PPARGC1A: variants seen among roughly 807,000 people sequenced by gnomAD.
PPARGC1A encodes the protein PPARG coactivator 1 alpha, also known as peroxisome proliferator-activated receptor gamma coactivator 1-alpha.
Under a neutral mutation model 88.7 loss-of-function variants are expected in PPARGC1A, and 25 were observed. The ratio of observed to expected loss-of-function variants is 0.28; its 90% confidence interval spans 0.21 to 0.39. The LOEUF is 0.39. Among genes scored for constraint, PPARGC1A ranks in the 10% least tolerant of loss-of-function variants. PPARGC1A has a pLI of 1.00. For missense variants in PPARGC1A, 880 were observed against 968.7 expected (o/e 0.91, Z 1.22); for synonymous variants, 363 against 355.6 (o/e 1.02, Z -0.24).
At chr4:24,007,732 T>C in the PPARGC1A span, among the ~76,000 whole-genome samples, 1 of 152,104 alleles carries the variant, frequency 6.6e-6, no homozygotes, top group Non-Finnish European at 1.5e-5. Context: ...GGCTCTGTCT[T>C]TATCTTAAGA....
chr4:24,100,594 A>G, the PPARGC1A span, among the ~76,000 whole-genome samples: 1 of 152,218 alleles, frequency 6.6e-6, no homozygotes, highest in Non-Finnish European at 1.5e-5. Flanking sequence ...ATAAATCAAT[A>G]TTGAGTGCCA....
At chr4:24,229,152 C>CTTTTTTTTTTTT in the PPARGC1A span, among the ~76,000 whole-genome samples, 22 of 60,886 alleles carry the variant, frequency 3.6e-4, no homozygotes, top group South Asian at 8.8e-4. Flanking sequence ...GTATCTGGAC[C>CTTTTTTTTTTTT]TTTTTTTTTT....
Position 23,811,889 on chromosome 4 carries a change from C to CTTTTTTTTTTTTTTT in PPARGC1A, c.2019+843_2019+857dup, listed in dbSNP as rs71196134. Among the ~76,000 whole-genome samples the CTTTTTTTTTTTTTTT allele has an allele frequency of 6.8e-5, 4 of 59,040 alleles. 1 individual carries two copies. Among genetic ancestry groups the CTTTTTTTTTTTTTTT allele is most frequent in the Non-Finnish European group, 1.3e-4 (4 of 31,620 alleles). 38.7% of individuals were successfully genotyped at this position (59,040 alleles called of 152,430 possible). On this transcript the variant is annotated intron_variant, in intron 10 of 12. Coordinates refer to ENST00000264867, the MANE Select transcript of PPARGC1A (RefSeq NM_013261.5). ...GACGACCATCACGCAGAAGAAATGA[C>CTTTTTTTTTTTTTTT]TTTTTTTTTTTTTTTTTTTTTTTTT...
the PPARGC1A span, among the ~76,000 whole-genome samples, chr4:24,424,610 G>A: frequency 2.0e-5 from 3 of 152,024 alleles, no homozygotes; most frequent in Non-Finnish European, 2.9e-5. Context: ...TCTGGAAATC[G>A]GAGAGTGAAG....
chr4:23,899,110 G>A (rs1718983589), intron 1 of PPARGC1A, among the ~76,000 whole-genome samples: 1 of 151,696 alleles, frequency 6.6e-6, no homozygotes, highest in Non-Finnish European at 1.5e-5. Flanking sequence ...GCCTTCCAAA[G>A]TGCTGGGATT....
At chr4:24,013,450 G>GTAT in the PPARGC1A span, among the ~76,000 whole-genome samples, 2 of 151,760 alleles carry the variant, frequency 1.3e-5, no homozygotes, top group African/African-American at 4.8e-5. Flanking sequence ...TCTTCTCTTT[G>GTAT]TATTCATCGT....
the PPARGC1A span, among the ~76,000 whole-genome samples, chr4:24,139,184 A>T: frequency 0.026 from 3,963 of 151,350 alleles, 171 homozygotes; most frequent in African/African-American, 0.091. Context: ...CCCAGGCTGG[A>T]GTGCAGTGGT....
chr4:24,354,999 A>C, the PPARGC1A span, among the ~76,000 whole-genome samples: 9 of 152,208 alleles, frequency 5.9e-5, no homozygotes, highest in Non-Finnish European at 1.3e-4. Flanking sequence ...AAAATGGAAA[A>C]AATTGTTTAG....
At chr4:23,877,360 C>CAA (rs551447166) in intron 2 of PPARGC1A, among the ~76,000 whole-genome samples, 37 of 62,794 alleles carry the variant, frequency 5.9e-4, no homozygotes, top group African/African-American at 1.0e-3. Flanking sequence ...ACTAAAAATA[C>CAA]AAAAAAAAAA....
the PPARGC1A span, among the ~76,000 whole-genome samples, chr4:24,220,447 C>T: frequency 2.0e-5 from 3 of 152,156 alleles, no homozygotes; most frequent in Non-Finnish European, 4.4e-5. Context: ...GCACTATTCA[C>T]AATAGCAAAG....
chr4:24,408,294 A>G, the PPARGC1A span, among the ~76,000 whole-genome samples: 3 of 152,162 alleles, frequency 2.0e-5, no homozygotes, highest in Non-Finnish European at 2.9e-5. Flanking sequence ...TTAGAATAAA[A>G]GAAAACACAA....
chr4:24,111,847 T>C, the PPARGC1A span, among the ~76,000 whole-genome samples: 8 of 152,174 alleles, frequency 5.3e-5, no homozygotes, highest in Non-Finnish European at 7.3e-5. Flanking sequence ...TGCACACATA[T>C]AGCCACACAT....
At chr4:23,970,566 G>A in the PPARGC1A span, among the ~76,000 whole-genome samples, 3 of 152,202 alleles carry the variant, frequency 2.0e-5, no homozygotes, top group Non-Finnish European at 4.4e-5. Context: ...GTTGGGAAGT[G>A]CTACATAAAG....
intron 12 of PPARGC1A, among the ~76,000 whole-genome samples, chr4:23,799,548 G>A (rs974707153): frequency 2.0e-5 from 3 of 152,164 alleles, no homozygotes; most frequent in African/African-American, 7.2e-5. Context: ...CAATGATGGA[G>A]CTCAGAAAAA....
intron 2 of PPARGC1A, among the ~76,000 whole-genome samples, chr4:23,868,935 C>T (rs1712660339): frequency 6.6e-6 from 1 of 152,198 alleles, no homozygotes; most frequent in Non-Finnish European, 1.5e-5. Context: ...CAACTGCACA[C>T]CTTATTTTAT....
At chr4:24,088,288 G>T in the PPARGC1A span, among the ~76,000 whole-genome samples, 1 of 152,252 alleles carries the variant, frequency 6.6e-6, no homozygotes, top group Non-Finnish European at 1.5e-5. Flanking sequence ...CCAGGAGGTA[G>T]AGGCTGCAGT....
At chr4:24,308,538 A>T in the PPARGC1A span, among the ~76,000 whole-genome samples, 7 of 152,072 alleles carry the variant, frequency 4.6e-5, no homozygotes, top group African/African-American at 1.4e-4. Flanking sequence ...CCTAGAGTTC[A>T]TCTCAGAAAT....
the PPARGC1A span, among the ~76,000 whole-genome samples, chr4:24,054,740 AT>A: frequency 1.3e-5 from 2 of 152,228 alleles, no homozygotes; most frequent in Admixed American, 1.3e-4. Context: ...CCAGAACTTC[AT>A]GTCAGTACAT....
chr4:24,175,381 T>G, the PPARGC1A span, among the ~76,000 whole-genome samples: 1 of 149,562 alleles, frequency 6.7e-6, no homozygotes, highest in African/African-American at 2.5e-5. Flanking sequence ...TTTCGTTTTT[T>G]TTTTTTTTTT....
Sources: gnomAD v4.1 joint callset for allele counts (sites outside exome capture counted in the v4.1 genomes callset) on GRCh38, gnomAD v4.1.1 for gene constraint, MANE v1.5 for transcripts, NCBI Gene and HGNC (gene_info 2026-07-23, HGNC 2026-07-21) for gene names.